Variants in RAB3GAP1 observed in about 807,000 individuals in gnomAD.
RAB3GAP1 encodes rab3 GTPase-activating protein catalytic subunit.
RAB3GAP1 carries 86 observed loss-of-function variants against 130.7 expected under a neutral mutation model. The ratio of observed to expected loss-of-function variants is 0.66; its 90% CI spans 0.55 to 0.79. The LOEUF (loss-of-function observed/expected upper bound fraction) is 0.79, where lower values mean the gene tolerates loss of function less well. Ranked by LOEUF, RAB3GAP1 falls within the 30% of genes least tolerant of loss-of-function variation. RAB3GAP1 has a pLI of 0.00. For synonymous variants in RAB3GAP1, 367 were observed against 401.7 expected, an observed-to-expected ratio of 0.91 and a Z score of 1.03; for missense variants, 1,029 against 1,169.4, an observed-to-expected ratio of 0.88 and a Z score of 1.75.
At chr2:135,107,428 G>A (rs1178280688) in intron 5 of RAB3GAP1, among the ~76,000 whole-genome samples, 1 of 151,282 alleles carries the variant, frequency 6.6e-6, no homozygotes, top group Admixed American at 6.6e-5. Context: ...CAAAGGAAGG[G>A]GGAAGGAATG....
At chr2:135,133,612 A>C (rs1422584734) in intron 14 of RAB3GAP1, among the ~76,000 whole-genome samples, 2 of 152,196 alleles carry the variant, frequency 1.3e-5, no homozygotes. Flanking sequence ...ATTCCACAGA[A>C]GAAATTGAAA....
intron 2 of RAB3GAP1, among the ~76,000 whole-genome samples, chr2:135,056,705 C>G (rs1689022561): frequency 6.6e-6 from 1 of 152,034 alleles, no homozygotes; most frequent in Non-Finnish European, 1.5e-5. Flanking sequence ...AACATGTAAA[C>G]TTGTTTCTAG....
chr2:135,063,236 T>TA (rs150706415), intron 3 of RAB3GAP1, among the ~76,000 whole-genome samples: 2,827 of 152,326 alleles, frequency 0.019, 93 homozygotes, highest in African/African-American at 0.065. Context: ...AGTAAAATCT[T>TA]ATTTAGCATC....
At chr2:135,074,564 G>T (rs1339393651) in intron 3 of RAB3GAP1, among the ~76,000 whole-genome samples, 1 of 152,202 alleles carries the variant, frequency 6.6e-6, no homozygotes, top group East Asian at 1.9e-4. Flanking sequence ...TTGTCTCTGG[G>T]CTTGGACACT....
At chr2:135,113,127 A>G in intron 5 of RAB3GAP1, 24 bp from the exon 6 acceptor site, 1 of 1,614,002 alleles carries the variant, frequency 6.2e-7, no homozygotes, top group Non-Finnish European at 8.5e-7. Context: ...TCCCCTGTTT[A>G]ATGCAGTTAA....
At chr2:135,088,688 CA>C (rs1162700077) in intron 3 of RAB3GAP1, among the ~76,000 whole-genome samples, 4,876 of 55,638 alleles carry the variant, frequency 0.088, 47 homozygotes, top group Admixed American at 0.1. Flanking sequence ...GACTCCATCT[CA>C]AAAAAAAAAA....
At chr2:135,093,740 G>T in intron 5 of RAB3GAP1, 47 bp downstream of exon 5, 2 of 1,363,652 alleles carry the variant, frequency 1.5e-6, no homozygotes, top group South Asian at 2.3e-5. Flanking sequence ...GTGTTGCGGG[G>T]GACCTCAACA....
At chr2:135,115,490 A>T (rs1224424614) in intron 7 of RAB3GAP1, 109 bp downstream of exon 7, 1 of 1,116,328 alleles carries the variant, frequency 9.0e-7, no homozygotes, top group Non-Finnish European at 1.3e-6. Flanking sequence ...TGATAATGTA[A>T]TTGCTTAGAA....
intron 5 of RAB3GAP1, among the ~76,000 whole-genome samples, chr2:135,104,494 G>C (rs554162138): frequency 6.6e-6 from 1 of 151,996 alleles, no homozygotes; most frequent in African/African-American, 2.4e-5. Flanking sequence ...TTGAAGGAAA[G>C]GGTTTTCAAA....
chr2:135,137,554 C>T (rs1691708962), intron 17 of RAB3GAP1, among the ~76,000 whole-genome samples: 1 of 152,158 alleles, frequency 6.6e-6, no homozygotes, highest in African/African-American at 2.4e-5. Flanking sequence ...AATCTTTTGA[C>T]TCCAGCTCTT....
rs139458687 is a variant in RAB3GAP1 at position 135,061,824 on chromosome 2, A to G, written c.150+3738A>G. 7.9e-4 allele frequency among the ~76,000 whole-genome samples: 121 copies of G among 152,280 alleles called. No homozygotes were observed. The East Asian group carries it at 9.4e-3, about 12-fold the overall frequency. On this transcript the variant is annotated intron_variant, in intron 3 of 23. Transcript: ENST00000264158. Reference sequence around the variant, plus strand: ...TCTATGATTTATTTTGAGCTACTATATGGAGGGAAGTAGGGATCAAGTTTC... The same window carrying G: ...TCTATGATTTATTTTGAGCTACTATGTGGAGGGAAGTAGGGATCAAGTTTC...
chr2:135,091,421 A>C (rs772822170), intron 4 of RAB3GAP1, among the ~76,000 whole-genome samples: 1 of 152,180 alleles, frequency 6.6e-6, no homozygotes, highest in Non-Finnish European at 1.5e-5. Flanking sequence ...AATGAAAGTG[A>C]TAAGTGCATC....
At chr2:135,090,093 A>G (rs1034521247) in intron 3 of RAB3GAP1, among the ~76,000 whole-genome samples, 1 of 152,174 alleles carries the variant, frequency 6.6e-6, no homozygotes, top group Non-Finnish European at 1.5e-5. Flanking sequence ...TAATAAAAAG[A>G]TTATGATTTT....
chr2:135,125,963 A>G (rs1691336271), intron 9 of RAB3GAP1, among the ~76,000 whole-genome samples: 1 of 152,164 alleles, frequency 6.6e-6, no homozygotes, highest in Non-Finnish European at 1.5e-5. Context: ...TGGGTTATTT[A>G]TGCTTTTTGG....
At chr2:135,085,182 G>T (rs902942925) in intron 3 of RAB3GAP1, among the ~76,000 whole-genome samples, 1 of 152,152 alleles carries the variant, frequency 6.6e-6, no homozygotes, top group African/African-American at 2.4e-5. Flanking sequence ...CTATCTTGGA[G>T]GTGCTCGTGT....
chr2:135,130,056 T>C lies in RAB3GAP1; in HGVS notation c.1035T>C (p.Leu345=), dbSNP rs1573578922. ...GAAAGGAGTCAACTGATGAGATTCT[T>C]GGACGATCTGCATTTGAGGAAGAAG... ...CRRKESTDEI[L]GRSAFEEEGK... Residue 345 remains leucine (L), a synonymous_variant, in exon 12 of 24, where the codon CTT becomes CTC. Coordinates refer to ENST00000264158, the MANE Select transcript of RAB3GAP1 (RefSeq NM_012233.3). 6.2e-7 allele frequency: 1 copy of C among 1,613,542 alleles called. No homozygotes were observed. The highest frequency in any genetic ancestry group is 8.5e-7 in the Non-Finnish European group (1 of 1,179,606).
intron 5 of RAB3GAP1, among the ~76,000 whole-genome samples, chr2:135,106,114 C>T (rs1041074019): frequency 6.6e-6 from 1 of 151,480 alleles, no homozygotes; most frequent in Non-Finnish European, 1.5e-5. Flanking sequence ...AGCCCCCGCC[C>T]TGCCAGCCGC....
At chr2:135,133,771 C>A in intron 14 of RAB3GAP1, 90 bp from the exon 15 acceptor site, 1 of 1,143,646 alleles carries the variant, frequency 8.7e-7, no homozygotes, top group Non-Finnish European at 1.3e-6. Context: ...GTTAATTTTA[C>A]AATTAAAATC....
intron 3 of RAB3GAP1, among the ~76,000 whole-genome samples, chr2:135,065,076 A>G (rs1356429831): frequency 2.6e-5 from 4 of 152,278 alleles, no homozygotes; most frequent in African/African-American, 9.6e-5. Context: ...CAGATAGCCA[A>G]GGTTTGGGAC....
Sources: allele counts gnomAD v4.1 joint callset (sites outside exome capture counted in the v4.1 genomes callset), GRCh38; gene constraint gnomAD v4.1.1; transcripts MANE v1.5; gene names NCBI Gene and HGNC (gene_info 2026-07-23, HGNC 2026-07-21).